The following CCDC34 variants were observed in gnomAD, a reference collection of about 807,000 sequenced individuals.
CCDC34 encodes the protein coiled-coil domain-containing protein 34.
CCDC34 carries 40 observed loss-of-function variants against 44.1 expected under a neutral mutation model. The observed-to-expected ratio is 0.91, with a 90% CI of 0.70 to 1.18. The LOEUF (loss-of-function observed/expected upper bound fraction) is 1.18. Ranked by LOEUF, CCDC34 falls within the 50% of genes most tolerant of loss-of-function variation. The probability of loss-of-function intolerance (pLI) is 0.00; values close to 1 mark genes in which losing one functional copy is unlikely to be tolerated. For missense variants in CCDC34, 466 were observed against 452.3 expected, an observed-to-expected ratio of 1.03 and a Z score of -0.28; for synonymous variants, 159 against 158.2, an observed-to-expected ratio of 1.01 and a Z score of -0.04.
intron 1 of CCDC34, among the ~76,000 whole-genome samples, 175 bp from the exon 2 acceptor site, chr11:27,357,716 T>C (rs1028895683): frequency 1.3e-5 from 2 of 152,194 alleles, no homozygotes; most frequent in African/African-American, 4.8e-5. Flanking sequence ...GAAAAGAAAT[T>C]CTAATATTTG....
At chr11:27,353,407 AAGAATT>A (rs142811707) in intron 2 of CCDC34, among the ~76,000 whole-genome samples, 5,620 of 152,082 alleles carry the variant, frequency 0.037, 132 homozygotes, top group Non-Finnish European at 0.056. Flanking sequence ...AGCAAATATT[AAGAATT>A]AGAATCAGCC....
intron 2 of CCDC34, among the ~76,000 whole-genome samples, chr11:27,353,908 T>C (rs866491721): frequency 6.6e-6 from 1 of 152,242 alleles, no homozygotes; most frequent in Non-Finnish European, 1.5e-5. Flanking sequence ...GGACGAAGCC[T>C]TGGCAAAATT....
At chr11:27,340,132 A>AT (rs1862335457) in intron 5 of CCDC34, among the ~76,000 whole-genome samples, 2 of 152,354 alleles carry the variant, frequency 1.3e-5, no homozygotes, top group South Asian at 4.1e-4. Context: ...ACAAAACAGA[A>AT]TGGGAGTATT....
At chr11:27,361,842 T>C (rs1862669183) in intron 1 of CCDC34, among the ~76,000 whole-genome samples, 1 of 152,206 alleles carries the variant, frequency 6.6e-6, no homozygotes. Context: ...TTACACAGCT[T>C]GACAATCATA....
intron 1 of CCDC34, among the ~76,000 whole-genome samples, chr11:27,359,948 A>AC (rs1862638492): frequency 6.6e-6 from 1 of 151,902 alleles, no homozygotes; most frequent in Non-Finnish European, 1.5e-5. Context: ...ATATATCTCA[A>AC]CTCATTTTTT....
At chr11:27,351,203 C>T (rs1862500003) in intron 2 of CCDC34, among the ~76,000 whole-genome samples, 1 of 152,170 alleles carries the variant, frequency 6.6e-6, no homozygotes, top group Admixed American at 6.5e-5. Flanking sequence ...TATTTTTCTT[C>T]TCCGTCTTTA....
chr11:27,360,075 T>G (rs1483292604), intron 1 of CCDC34, among the ~76,000 whole-genome samples: 2 of 152,198 alleles, frequency 1.3e-5, no homozygotes, highest in African/African-American at 4.8e-5. Context: ...AATATTAAAT[T>G]TCCTTCCTTA....
At chr11:27,352,245 T>C (rs796164843) in intron 2 of CCDC34, among the ~76,000 whole-genome samples, 8 of 152,074 alleles carry the variant, frequency 5.3e-5, no homozygotes, top group African/African-American at 1.9e-4. Context: ...TAGCCAGGTG[T>C]GGTGGCAGGC....
At chr11:27,343,132 C>T (rs1035657434) in intron 3 of CCDC34, among the ~76,000 whole-genome samples, 7 of 152,050 alleles carry the variant, frequency 4.6e-5, no homozygotes, top group East Asian at 3.9e-4. Flanking sequence ...TGGGCATGGT[C>T]GTTCATGCCT....
intron 1 of CCDC34, among the ~76,000 whole-genome samples, chr11:27,360,159 C>G (rs1165104419): frequency 2.6e-5 from 4 of 152,210 alleles, no homozygotes; most frequent in African/African-American, 9.6e-5. Flanking sequence ...AAAGGCTTGA[C>G]AAGTGGCCAT....
chr11:27,346,000 T>C (rs1407773024), intron 3 of CCDC34, among the ~76,000 whole-genome samples: 1 of 152,120 alleles, frequency 6.6e-6, no homozygotes. Context: ...AGATGGTATC[T>C]CATTGTGGTT....
chr11:27,346,474 AGAAGGAAGGAAGGAAG>A (rs35249457), intron 3 of CCDC34, among the ~76,000 whole-genome samples: 38 of 128,122 alleles, frequency 3.0e-4, no homozygotes, highest in Middle Eastern at 4.0e-3. Flanking sequence ...GACAGAGGAA[AGAAGGAAGGAAGGAAG>A]GAAGGAAGGA....
In CCDC34 at chr11:27,355,015, G is replaced by A. The variant is rs1590329666; in HGVS notation, c.498+2388C>T. On this transcript the variant is annotated intron_variant, in intron 2 of 5. Transcript: ENST00000328697. ...ATGGCAAGGCTAAAATTTCAGCCTTGTTCTGTGTGACTACCAAGCCCGGGC... is the reference window on the plus strand; with the variant it reads ...ATGGCAAGGCTAAAATTTCAGCCTTATTCTGTGTGACTACCAAGCCCGGGC... Among the ~76,000 whole-genome samples the A allele has an allele frequency of 4.6e-5, 7 of 152,244 alleles. 1 individual carries two copies. Among genetic ancestry groups the A allele is most frequent in the Admixed American group, 4.6e-4 (7 of 15,296 alleles).
At chr11:27,354,465 A>G (rs1177670788) in intron 2 of CCDC34, among the ~76,000 whole-genome samples, 2 of 152,206 alleles carry the variant, frequency 1.3e-5, no homozygotes, top group Non-Finnish European at 2.9e-5. Flanking sequence ...CAACACTATG[A>G]AGCAAATATT....
rs771070510 is a variant in CCDC34, at chr11:27,338,914, A to C, written c.1029T>G (p.Pro343=). ...KDLSGRKSKR[P]VISQPHKSSS... ...ATGACTTGTGTGGCTGACTTATCAC[A>C]GGTCTTTTACTCTTCCTTCCTGATA... The change falls in exon 6 of 6, where the codon CCT becomes CCG. Residue 343 remains proline (P), a synonymous_variant. Coordinates refer to ENST00000328697, the MANE Select transcript of CCDC34 (RefSeq NM_030771.2). 4.3e-6 allele frequency: 7 copies of C among 1,613,716 alleles called. No homozygotes were observed. The Admixed American group carries it at 1.2e-4, about 27-fold the overall frequency.
chr11:27,356,749 C>G (rs530282259), intron 2 of CCDC34, among the ~76,000 whole-genome samples: 4 of 151,358 alleles, frequency 2.6e-5, no homozygotes, highest in Non-Finnish European at 5.9e-5. Flanking sequence ...AAGAGACTCA[C>G]GCATGGAAAT....
chr11:27,341,300 C>T, intron 4 of CCDC34, 92 bp downstream of exon 4: 1 of 757,846 alleles, frequency 1.3e-6, no homozygotes, highest in Non-Finnish European at 2.0e-6. Context: ...TAAGATAGTG[C>T]CAATTTTCTA....
intron 3 of CCDC34, among the ~76,000 whole-genome samples, chr11:27,345,296 TTATTA>T (rs1360304038): frequency 3.3e-5 from 5 of 152,270 alleles, no homozygotes; most frequent in East Asian, 1.9e-4. Context: ...AATTTTATTA[TTATTA>T]TATTTTAAGT....
chr11:27,345,289 TTTA>T (rs1862416687), intron 3 of CCDC34, among the ~76,000 whole-genome samples: 2 of 152,024 alleles, frequency 1.3e-5, no homozygotes, highest in African/African-American at 2.4e-5. Flanking sequence ...TTTTTTTAAT[TTTA>T]TTATTATTAT....
Sources: allele counts gnomAD v4.1 joint callset (sites outside exome capture counted in the v4.1 genomes callset), GRCh38; gene constraint gnomAD v4.1.1; transcripts MANE v1.5; gene names NCBI Gene and HGNC (gene_info 2026-07-23, HGNC 2026-07-21).